Variants in EDARADD observed in about 807,000 individuals in gnomAD.
EDARADD encodes the protein EDAR associated via death domain.
EDARADD carries 20 observed loss-of-function variants against 25.6 expected under a neutral mutation model. That is an observed-to-expected ratio of 0.78 (90% CI 0.55 to 1.14). The LOEUF (loss-of-function observed/expected upper bound fraction) is 1.14, where lower values mean the gene tolerates loss of function less well. Ranked by LOEUF, EDARADD falls within the 50% of genes most tolerant of loss-of-function variation. The pLI is 0.00. For synonymous variants in EDARADD, 86 were observed against 94.4 expected, an observed-to-expected ratio of 0.91 and a Z score of 0.52; for missense variants, 225 against 270.1, an observed-to-expected ratio of 0.83 and a Z score of 1.17.
chr1:236,455,100 CTT>C (rs1167601797), intron 4 of EDARADD, among the ~76,000 whole-genome samples: 1 of 152,048 alleles, frequency 6.6e-6, no homozygotes, highest in Non-Finnish European at 1.5e-5. Context: ...GTCCCAGCTA[CTT>C]GGGAGGCTGA....
chr1:236,364,871 A>G (rs1328760081), intron 3 of EDARADD, among the ~76,000 whole-genome samples: 1 of 152,010 alleles, frequency 6.6e-6, no homozygotes, highest in Non-Finnish European at 1.5e-5. Context: ...GATGCTTTTT[A>G]TTTCTTTTTC....
At chr1:236,478,875 C>T (rs921684201) in intron 5 of EDARADD, among the ~76,000 whole-genome samples, 15 of 152,240 alleles carry the variant, frequency 9.9e-5, no homozygotes, top group Non-Finnish European at 2.2e-4. Flanking sequence ...CGTGAGCCAC[C>T]GCGCCCAGCG....
chr1:236,434,594 G>A (rs527606746), intron 4 of EDARADD, among the ~76,000 whole-genome samples: 12 of 152,124 alleles, frequency 7.9e-5, no homozygotes, highest in Non-Finnish European at 1.5e-4. Context: ...TATATTTTAC[G>A]TGTGGCCCAA....
At chr1:236,368,001 C>T (rs368744680) in intron 3 of EDARADD, among the ~76,000 whole-genome samples, 23 of 151,434 alleles carry the variant, frequency 1.5e-4, no homozygotes, top group East Asian at 3.9e-4. Flanking sequence ...GCCAGCTACT[C>T]GGGAGGCTGA....
At chr1:236,385,146 C>T (rs1199917045) in intron 3 of EDARADD, among the ~76,000 whole-genome samples, 28 of 144,852 alleles carry the variant, frequency 1.9e-4, no homozygotes, top group South Asian at 2.2e-4. Flanking sequence ...CGGTAGCTCA[C>T]GCCTGTAATC....
rs900236292 is a variant in EDARADD at position 236,394,476 on chromosome 1, G to A, written c.32G>A (p.Arg11Lys). 1 of 1,614,136 alleles carries A rather than the reference G, an allele frequency of 6.2e-7. No individual in the cohort carries two copies. The highest frequency in any genetic ancestry group is 1.1e-5 in the South Asian group (1 of 91,068). The stretch of plus-strand genomic sequence containing the variant: ...CTCAGGACGACTAAACAGATGGGGA[G>A]AGGCACTAAAGCTCCTGGTCACCAA... MGLRTTKQMG[R>K]GTKAPGHQED... Residue 11 changes from arginine (R) to lysine (K), a missense_variant, in exon 1 of 6, where the codon AGA (arginine) becomes AAA (lysine). Transcript: ENST00000334232.
intron 3 of EDARADD, among the ~76,000 whole-genome samples, chr1:236,359,512 C>A (rs904538948): frequency 5.3e-5 from 8 of 152,152 alleles, no homozygotes; most frequent in African/African-American, 1.7e-4. Flanking sequence ...TTGAACTTCC[C>A]AGCTGTATTA....
intron 3 of EDARADD, among the ~76,000 whole-genome samples, chr1:236,369,968 G>A (rs1667156938): frequency 6.6e-6 from 1 of 152,302 alleles, no homozygotes; most frequent in Non-Finnish European, 1.5e-5. Context: ...CTGGGTCTAA[G>A]GGATAAGGTT....
At chr1:236,404,809 A>G (rs1211164297) in intron 1 of EDARADD, among the ~76,000 whole-genome samples, 3 of 151,730 alleles carry the variant, frequency 2.0e-5, no homozygotes, top group African/African-American at 7.3e-5. Flanking sequence ...TCTCAAAAAA[A>G]ATGTCTGGCG....
chr1:236,479,458 G>C (rs1478541895), intron 5 of EDARADD, among the ~76,000 whole-genome samples: 1 of 150,970 alleles, frequency 6.6e-6, no homozygotes, highest in Non-Finnish European at 1.5e-5. Flanking sequence ...TTGTGCCACT[G>C]CCATCCAACC....
chr1:236,423,227 T>A (rs550183652), intron 3 of EDARADD, among the ~76,000 whole-genome samples: 6 of 152,132 alleles, frequency 3.9e-5, no homozygotes, highest in Non-Finnish European at 7.3e-5. Flanking sequence ...ATGAGAAATA[T>A]GTTGCCACCA....
chr1:236,475,450 G>T (rs657441), intron 5 of EDARADD, among the ~76,000 whole-genome samples: 4,393 of 152,204 alleles, frequency 0.029, 151 homozygotes, highest in African/African-American at 0.082. Context: ...TTAAGGAAAT[G>T]GTTTGTCACT....
chr1:236,468,135 A>G, intron 4 of EDARADD, 96 bp from the exon 5 acceptor site: 3 of 1,220,388 alleles, frequency 2.5e-6, no homozygotes, highest in Non-Finnish European at 3.6e-6. Context: ...CCCAGCCCCC[A>G]GGGTTTTGGT....
At chr1:236,355,245 T>C (rs1280690167) in intron 3 of EDARADD, among the ~76,000 whole-genome samples, 1 of 152,206 alleles carries the variant, frequency 6.6e-6, no homozygotes, top group Non-Finnish European at 1.5e-5. Flanking sequence ...CTGTTGTGAT[T>C]GTTATTTTCT....
intron 2 of EDARADD, among the ~76,000 whole-genome samples, chr1:236,413,733 T>C (rs956943427): frequency 6.6e-6 from 1 of 152,222 alleles, no homozygotes; most frequent in Non-Finnish European, 1.5e-5. Flanking sequence ...AACTGATGCA[T>C]TGAGGAACTG....
At chr1:236,438,062 C>A (rs577668365) in intron 4 of EDARADD, among the ~76,000 whole-genome samples, 1 of 152,272 alleles carries the variant, frequency 6.6e-6, no homozygotes, top group African/African-American at 2.4e-5. Context: ...CCAGGCCTCT[C>A]TTCATGGCTT....
chr1:236,428,596 G>T (rs372968330), intron 4 of EDARADD, among the ~76,000 whole-genome samples: 1 of 151,518 alleles, frequency 6.6e-6, no homozygotes, highest in African/African-American at 2.4e-5. Context: ...GGGCAGAGGC[G>T]CTCCCCACAT....
At chr1:236,464,168 G>A (rs902280153) in intron 4 of EDARADD, among the ~76,000 whole-genome samples, 3 of 152,116 alleles carry the variant, frequency 2.0e-5, no homozygotes, top group African/African-American at 4.8e-5. Flanking sequence ...CGGCTAGAAC[G>A]GCTTTCAAAA....
intron 1 of EDARADD, among the ~76,000 whole-genome samples, chr1:236,405,763 T>G (rs1432584923): frequency 1.7e-5 from 1 of 57,798 alleles, no homozygotes; most frequent in Non-Finnish European, 3.9e-5. Flanking sequence ...CTTTCTTTCT[T>G]TCTTTCTTTC....
Sources: gnomAD v4.1 joint callset for allele counts (sites outside exome capture counted in the v4.1 genomes callset) on GRCh38, gnomAD v4.1.1 for gene constraint, MANE v1.5 for transcripts, NCBI Gene and HGNC (gene_info 2026-07-23, HGNC 2026-07-21) for gene names.